The following REEP3 variants were observed in gnomAD, a reference collection of about 807,000 sequenced individuals.
REEP3 encodes receptor accessory protein 3.
A neutral mutation model predicts 41.3 loss-of-function variants in REEP3; 20 were observed. The observed-to-expected ratio is 0.48, with a 90% CI of 0.34 to 0.70. The LOEUF is 0.70. Ranked by LOEUF, REEP3 falls within the 30% of genes least tolerant of loss-of-function variation. The pLI is 0.01. For missense variants in REEP3, 271 were observed against 308.8 expected (o/e 0.88, Z 0.92); for synonymous variants, 104 against 101.8 (o/e 1.02, Z -0.13).
At position 63,620,912 on chromosome 10, in the gene REEP3, C is replaced by A; in HGVS notation, c.*43C>A. Reference sequence around the variant, plus strand: ...ATCCCAAGACAGATTATGCTAAATACATCGACTTCATCTTCTAACATGATA... The same window carrying A: ...ATCCCAAGACAGATTATGCTAAATAAATCGACTTCATCTTCTAACATGATA... On this transcript the variant is annotated 3_prime_UTR_variant, in exon 8 of 8. Coordinates refer to ENST00000373758, the MANE Select transcript of REEP3 (RefSeq NM_001001330.3). 3 of 1,175,046 alleles carry A rather than the reference C, an allele frequency of 2.6e-6. No individual in the cohort carries two copies. The highest frequency in any genetic ancestry group is 3.7e-6 in the Non-Finnish European group (3 of 802,446). 72.8% of individuals were successfully genotyped at this position (1,175,046 alleles called of 1,614,324 possible). A position where few individuals can be genotyped will look rare whatever the true frequency, so the allele number is the denominator to read the frequency against.
At chr10:63,584,942 G>C (rs1225325405) in intron 2 of REEP3, among the ~76,000 whole-genome samples, 1 of 151,984 alleles carries the variant, frequency 6.6e-6, no homozygotes, top group Non-Finnish European at 1.5e-5. Context: ...GATTTACTTA[G>C]TATGGTTTTA....
intron 1 of REEP3, among the ~76,000 whole-genome samples, chr10:63,537,548 TC>T (rs1177866832): frequency 6.6e-6 from 1 of 152,214 alleles, no homozygotes; most frequent in African/African-American, 2.4e-5. Flanking sequence ...TATATTCTTT[TC>T]CTTTAATCAA....
Position 63,619,700 on chromosome 10 carries a change from A to C in REEP3, c.611A>C (p.Glu204Ala), listed in dbSNP as rs1956338273. The C allele has an allele frequency of 1.2e-6, 2 of 1,605,906 alleles. No individual in the cohort carries two copies. Among genetic ancestry groups the C allele is most frequent in the Non-Finnish European group, 8.5e-7 (1 of 1,175,994 alleles). Residue 204 changes from glutamate to alanine, a missense_variant, in exon 7 of 8, where the codon GAA (glutamate) becomes GCA (alanine). Transcript: ENST00000373758. ...GACGGAGATGAGAAAACAGATGAAGAAGCAGAGGGGCCATATTCAGATAAT... is the reference window on the plus strand; with the variant it reads ...GACGGAGATGAGAAAACAGATGAAGCAGCAGAGGGGCCATATTCAGATAAT... ...LKDGDEKTDE[E>A]AEGPYSDNEM...
intron 2 of REEP3, among the ~76,000 whole-genome samples, chr10:63,569,682 C>T (rs1157664688): frequency 2.0e-5 from 3 of 152,188 alleles, no homozygotes; most frequent in Non-Finnish European, 2.9e-5. Context: ...TGGCTCACAA[C>T]TGTAATCTCA....
At chr10:63,533,273 G>A (rs949443106) in intron 1 of REEP3, among the ~76,000 whole-genome samples, 1 of 152,174 alleles carries the variant, frequency 6.6e-6, no homozygotes, top group Non-Finnish European at 1.5e-5. Flanking sequence ...AGGCCCACAG[G>A]AACAACAAGC....
intron 6 of REEP3, among the ~76,000 whole-genome samples, chr10:63,619,353 AT>A (rs1447630305): frequency 2.6e-5 from 4 of 152,158 alleles, no homozygotes; most frequent in Non-Finnish European, 4.4e-5. Flanking sequence ...ATATTCTTGA[AT>A]TTTTTAACAA....
intron 1 of REEP3, among the ~76,000 whole-genome samples, chr10:63,561,970 T>G (rs944484723): frequency 1.3e-5 from 2 of 152,166 alleles, no homozygotes; most frequent in Non-Finnish European, 2.9e-5. Context: ...TTAAAATAAT[T>G]AGCTTGAATA....
intron 1 of REEP3, among the ~76,000 whole-genome samples, chr10:63,527,558 GTAATCCCGGC>G (rs1471716270): frequency 3.2e-4 from 48 of 151,716 alleles, no homozygotes; most frequent in Admixed American, 2.8e-3. Context: ...GTACATGCCT[GTAATCCCGGC>G]TACTGTGGAT....
intron 1 of REEP3, chr10:63,562,594 G>A (rs1490353507): frequency 1.8e-5 from 8 of 456,266 alleles, no homozygotes; most frequent in Non-Finnish European, 3.5e-5. Flanking sequence ...CTTCTAGTTG[G>A]TAAGTATAAA....
intron 2 of REEP3, among the ~76,000 whole-genome samples, chr10:63,590,263 A>G (rs1054373596): frequency 2.6e-5 from 4 of 152,182 alleles, no homozygotes; most frequent in African/African-American, 9.7e-5. Flanking sequence ...TGCCCAGTGA[A>G]ATGTTGAATC....
At chr10:63,604,459 CT>C (rs1956204779) in intron 5 of REEP3, among the ~76,000 whole-genome samples, 1 of 152,042 alleles carries the variant, frequency 6.6e-6, no homozygotes, top group South Asian at 2.1e-4. Flanking sequence ...CTCTGGCAGC[CT>C]TTTTTTGGTG....
At chr10:63,549,693 A>G (rs1482596007) in intron 1 of REEP3, among the ~76,000 whole-genome samples, 1 of 152,240 alleles carries the variant, frequency 6.6e-6, no homozygotes, top group East Asian at 1.9e-4. Flanking sequence ...ATGGTTAGCA[A>G]TTCTGAAACC....
intron 5 of REEP3, among the ~76,000 whole-genome samples, chr10:63,604,268 T>C (rs1956203080): frequency 6.6e-6 from 1 of 152,220 alleles, no homozygotes; most frequent in Non-Finnish European, 1.5e-5. Context: ...CAAGTTTATT[T>C]TGGCTGAGCA....
At chr10:63,556,791 A>C (rs377008923) in intron 1 of REEP3, among the ~76,000 whole-genome samples, 78 of 148,502 alleles carry the variant, frequency 5.3e-4, no homozygotes, top group African/African-American at 1.9e-3. Flanking sequence ...GCCCGCCACT[A>C]CGCCCGGCTA....
chr10:63,532,520 G>A (rs1324396596), intron 1 of REEP3, among the ~76,000 whole-genome samples: 3 of 152,070 alleles, frequency 2.0e-5, no homozygotes, highest in Admixed American at 6.5e-5. Flanking sequence ...AAATTATCCG[G>A]GCGTGTTGGC....
intron 1 of REEP3, among the ~76,000 whole-genome samples, chr10:63,545,680 GTT>G (rs55779021): frequency 4.5e-4 from 25 of 55,410 alleles, no homozygotes; most frequent in South Asian, 9.3e-4. Flanking sequence ...GCCAACTTCT[GTT>G]TTTTTTTTTT....
intron 2 of REEP3, among the ~76,000 whole-genome samples, chr10:63,567,425 A>G (rs1955810238): frequency 6.6e-6 from 1 of 152,196 alleles, no homozygotes; most frequent in African/African-American, 2.4e-5. Flanking sequence ...ATAGAATCAT[A>G]TAATATGTGA....
chr10:63,569,824 C>G (rs1042787758), intron 2 of REEP3, among the ~76,000 whole-genome samples: 3 of 152,080 alleles, frequency 2.0e-5, no homozygotes, highest in Non-Finnish European at 2.9e-5. Flanking sequence ...TGCCTGTAGT[C>G]CTAGCTACTG....
In REEP3 at chr10:63,552,470, C is replaced by G. The variant is rs185857653; in HGVS notation, c.33-13868C>G. Among the ~76,000 whole-genome samples the G allele has an allele frequency of 1.7e-3, 257 of 152,214 alleles. 4 individuals are homozygous for G. The highest frequency in any genetic ancestry group is 5.9e-4 in the Non-Finnish European group (40 of 67,988). On this transcript the variant is annotated intron_variant, in intron 1 of 7. Transcript: ENST00000373758. ...TATTAATACCTAAAGTAGTTCATAT[C>G]CAAAATACCCAAGTTGCCCAAGTAG...
Sources: gnomAD v4.1 joint callset for allele counts (sites outside exome capture counted in the v4.1 genomes callset) on GRCh38, gnomAD v4.1.1 for gene constraint, MANE v1.5 for transcripts, NCBI Gene and HGNC (gene_info 2026-07-23, HGNC 2026-07-21) for gene names.